The following RBFOX1 variants were observed in gnomAD, a reference collection of about 807,000 sequenced individuals.
RBFOX1 encodes the protein RNA binding protein fox-1 homolog 1.
In RBFOX1, 8 loss-of-function variants were observed where a neutral mutation model predicts 57.7. The observed-to-expected ratio is 0.14, with a 90% CI of 0.08 to 0.25. The LOEUF (loss-of-function observed/expected upper bound fraction) is 0.25. RBFOX1 is among the 10% of genes least tolerant of loss of function. The probability of loss-of-function intolerance (pLI) is 1.00; values close to 1 mark genes in which losing one functional copy is unlikely to be tolerated. For missense variants in RBFOX1, 611 were observed against 548.5 expected, an observed-to-expected ratio of 1.11 and a Z score of -1.14; for synonymous variants, 326 against 222.4, an observed-to-expected ratio of 1.47 and a Z score of -4.15.
chr16:7,399,149 TTTAAAAAG>T (rs2098193394), intron 4 of RBFOX1, among the ~76,000 whole-genome samples: 1 of 152,148 alleles, frequency 6.6e-6, no homozygotes, highest in South Asian at 2.1e-4. Context: ...AAATTATATT[TTTAAAAAG>T]CAATGTCGGG....
chr16:6,020,566 G>T (rs2095051372), intron 1 of RBFOX1, among the ~76,000 whole-genome samples: 1 of 152,178 alleles, frequency 6.6e-6, no homozygotes, highest in Non-Finnish European at 1.5e-5. Context: ...CCCCAGGGGA[G>T]GGGGCCAGCC....
intron 1 of RBFOX1, among the ~76,000 whole-genome samples, chr16:6,244,039 G>T (rs911047402): frequency 4.6e-5 from 7 of 152,140 alleles, no homozygotes; most frequent in Non-Finnish European, 1.0e-4. Context: ...CGTGAGTGAT[G>T]CAGTCTTCTC....
At chr16:7,269,043 C>CAAAA (rs56297510) in intron 4 of RBFOX1, among the ~76,000 whole-genome samples, 10 of 52,302 alleles carry the variant, frequency 1.9e-4, no homozygotes, top group East Asian at 1.4e-3. Context: ...TCTTCCATCT[C>CAAAA]AAAAAAAAAA....
intron 3 of RBFOX1, among the ~76,000 whole-genome samples, chr16:7,027,189 T>C (rs1380750257): frequency 1.3e-5 from 2 of 152,188 alleles, no homozygotes; most frequent in African/African-American, 4.8e-5. Context: ...AGGCAGGAGC[T>C]GTATCTTATT....
At chr16:5,744,848 C>A (rs1161280879) in intron 3 of RBFOX1, among the ~76,000 whole-genome samples, 2 of 152,156 alleles carry the variant, frequency 1.3e-5, no homozygotes, top group Admixed American at 6.5e-5. Flanking sequence ...ACTTCTGCCT[C>A]CCGGGTTCAA....
chr16:7,325,040 C>G (rs1250794567), intron 4 of RBFOX1, among the ~76,000 whole-genome samples: 2 of 152,176 alleles, frequency 1.3e-5, no homozygotes, highest in Non-Finnish European at 2.9e-5. Context: ...AGGCACTTCA[C>G]AAGTTGCATT....
chr16:7,125,999 C>G (rs1474653108), intron 4 of RBFOX1, among the ~76,000 whole-genome samples: 6 of 152,196 alleles, frequency 3.9e-5, no homozygotes, highest in African/African-American at 1.4e-4. Context: ...AGGAGAATCA[C>G]TTGAACCTGG....
In RBFOX1 at chr16:5,528,511, A is replaced by G. The variant is rs537657814; in HGVS notation, c.258+61257A>G. The stretch of plus-strand genomic sequence containing the variant: ...GACAATGGCATTATAGGTCAAAGCA[A>G]TCTGTGGTCCTGCATATTCCCCCGA... On this transcript the variant is annotated intron_variant, in intron 2 of 2. Coordinates refer to the RBFOX1 transcript ENST00000585867. Among the ~76,000 whole-genome samples, 29 of 149,614 alleles carry G rather than the reference A, an allele frequency of 1.9e-4. No homozygotes were observed. The South Asian group carries it at 2.1e-3, about 11-fold the overall frequency.
intron 3 of RBFOX1, among the ~76,000 whole-genome samples, chr16:6,803,950 T>G (rs2086096473): frequency 6.6e-6 from 1 of 152,140 alleles, no homozygotes. Context: ...ACCCATAGTT[T>G]CCTAATATTT....
At chr16:6,636,040 A>T (rs1602192106) in intron 2 of RBFOX1, among the ~76,000 whole-genome samples, 1 of 152,174 alleles carries the variant, frequency 6.6e-6, no homozygotes, top group East Asian at 1.9e-4. Context: ...TTAATAATTT[A>T]TGCTTGAAAC....
intron 7 of RBFOX1, among the ~76,000 whole-genome samples, chr16:7,594,727 AAAAT>A (rs1364926074): frequency 6.6e-6 from 1 of 152,226 alleles, no homozygotes; most frequent in Non-Finnish European, 1.5e-5. Flanking sequence ...GTTGATATGA[AAAAT>A]AAATATTGAC....
At chr16:5,419,144 GTCTCTGTATT>G (rs955608651) in intron 1 of RBFOX1, among the ~76,000 whole-genome samples, 21 of 152,290 alleles carry the variant, frequency 1.4e-4, no homozygotes, top group Admixed American at 1.2e-3. Context: ...TCTAGGGATG[GTCTCTGTATT>G]AGGGTTCTCT....
chr16:5,954,701 G>A (rs1487078693), intron 4 of RBFOX1, among the ~76,000 whole-genome samples: 9 of 152,108 alleles, frequency 5.9e-5, no homozygotes, highest in South Asian at 2.1e-4. Context: ...GCATCTGATC[G>A]TGTGCGCCGT....
intron 4 of RBFOX1, among the ~76,000 whole-genome samples, chr16:7,492,854 C>T (rs1028517311): frequency 3.3e-5 from 5 of 152,116 alleles, no homozygotes. Context: ...TGAGACCTCC[C>T]CAGAAGCCAA....
At chr16:6,143,892 C>T (rs1220862549) in intron 1 of RBFOX1, among the ~76,000 whole-genome samples, 1 of 151,722 alleles carries the variant, frequency 6.6e-6, no homozygotes, top group East Asian at 1.9e-4. Flanking sequence ...AACTCCTGGG[C>T]TCAAGCGATC....
chr16:5,896,737 G>A lies in RBFOX1; in HGVS notation c.351+29402G>A, dbSNP rs147080746. On this transcript the variant is annotated intron_variant, in intron 4 of 19. Transcript: ENST00000641259. ...AATAGGCATAGCTCTTCAGGGGAGA[G>A]GGTTTCCATTTGGAGAAGAGGAGAT... Among the ~76,000 whole-genome samples the A allele has an allele frequency of 1.9e-3, 285 of 152,282 alleles. 1 individual carries two copies. The highest frequency in any genetic ancestry group is 6.5e-3 in the African/African-American group (271 of 41,530).
At position 7,664,921 on chromosome 16, in the gene RBFOX1, C is replaced by A. The variant is rs1250238850; in HGVS notation, c.891-8C>A. On this transcript the variant is annotated splice_polypyrimidine_tract_variant and splice_region_variant and intron_variant, in intron 12 of 15. Coordinates refer to ENST00000550418, the MANE Select transcript of RBFOX1 (RefSeq NM_018723.4). ...TGGATGTTTCTCTTTGTGTGTGCAC[C>A]CTTGCAGTGTTGTTTACCAGGATGG... 23 of 1,613,754 alleles carry A rather than the reference C, an allele frequency of 1.4e-5. No individual in the cohort carries two copies. Among genetic ancestry groups the A allele is most frequent in the Non-Finnish European group, 1.8e-5 (21 of 1,179,820 alleles).
In RBFOX1 at chr16:7,321,889, C is replaced by T. The variant is rs895719718; in HGVS notation, c.28-196258C>T. Among the ~76,000 whole-genome samples the T allele has an allele frequency of 1.4e-4, 21 of 152,298 alleles. 1 individual carries two copies. The highest frequency in any genetic ancestry group is 4.6e-4 in the Admixed American group (7 of 15,300). ...GCCACCAGCTGCCTGGCCATGACAT[C>T]GCAGAGAGACCATCTTGCAGCAGTC... On this transcript the variant is annotated intron_variant, in intron 4 of 15. Coordinates refer to ENST00000550418, the MANE Select transcript of RBFOX1 (RefSeq NM_018723.4).
At chr16:7,707,456 G>A (rs964392781) in intron 14 of RBFOX1, among the ~76,000 whole-genome samples, 8 of 152,154 alleles carry the variant, frequency 5.3e-5, no homozygotes, top group African/African-American at 1.4e-4. Context: ...GATGAGAGAC[G>A]AGCTGAAGGT....
Sources: allele counts gnomAD v4.1 joint callset (sites outside exome capture counted in the v4.1 genomes callset), GRCh38; gene constraint gnomAD v4.1.1; transcripts MANE v1.5; gene names NCBI Gene and HGNC (gene_info 2026-07-23, HGNC 2026-07-21).